DLGAP2: variants seen among roughly 807,000 people sequenced by gnomAD.
DLGAP2 encodes DLG associated protein 2, also known as disks large-associated protein 2.
Under a neutral mutation model 100.3 loss-of-function variants are expected in DLGAP2, and 26 were observed. That is an observed-to-expected ratio of 0.26 (90% CI 0.19 to 0.36). DLGAP2 has a LOEUF of 0.36. DLGAP2 is among the 10% of genes least tolerant of loss of function. The pLI, the probability that DLGAP2 is intolerant of heterozygous loss-of-function variation, is 1.00. For missense variants in DLGAP2, 1,858 were observed against 1,453.2 expected (o/e 1.28, Z -4.53); for synonymous variants, 886 against 630.1 (o/e 1.41, Z -6.08).
chr8:1,267,253 T>G (rs200279858), intron 3 of DLGAP2, among the ~76,000 whole-genome samples: 1 of 90,642 alleles, frequency 1.1e-5, no homozygotes, highest in South Asian at 3.4e-4. Context: ...ATAAATAAAA[T>G]AAAATAAAAT....
intron 2 of DLGAP2, among the ~76,000 whole-genome samples, chr8:1,054,612 AT>A (rs1294837843): frequency 6.6e-6 from 1 of 152,240 alleles, no homozygotes; most frequent in African/African-American, 2.4e-5. Flanking sequence ...GTAATTTATC[AT>A]CCCTCTCTTG....
intron 3 of DLGAP2, among the ~76,000 whole-genome samples, chr8:1,420,773 C>G (rs749465338): frequency 6.6e-6 from 1 of 152,080 alleles, no homozygotes; most frequent in Non-Finnish European, 1.5e-5. Flanking sequence ...GTTAACTTGG[C>G]CCTCCCACAG....
At chr8:1,564,047 G>A (rs963090040) in intron 5 of DLGAP2, among the ~76,000 whole-genome samples, 9 of 152,182 alleles carry the variant, frequency 5.9e-5, no homozygotes, top group African/African-American at 2.2e-4. Flanking sequence ...AACATGCTAT[G>A]TTAGTTCCTT....
chr8:1,178,493 C>A (rs7842417), intron 2 of DLGAP2, among the ~76,000 whole-genome samples: 1 of 152,026 alleles, frequency 6.6e-6, no homozygotes, highest in African/African-American at 2.4e-5. Flanking sequence ...AACAGCTGAA[C>A]ATAAATATCA....
At chr8:1,522,203 G>A (rs563152605) in intron 4 of DLGAP2, among the ~76,000 whole-genome samples, 1 of 152,216 alleles carries the variant, frequency 6.6e-6, no homozygotes, top group Non-Finnish European at 1.5e-5. Flanking sequence ...GGTCCACTCA[G>A]ACCTTTCGCC....
At position 1,641,884 on chromosome 8, in the gene DLGAP2, G is replaced by GCCC. The variant is rs1563275242; in HGVS notation, c.1810+8838_1810+8839insCCC. ...CCTCCCATACCCCTCGAACCCGCCG[G>GCCC]TCCTCACCTGTGTCACCCTCGACCC... On this transcript the variant is annotated intron_variant, in intron 8 of 14. Coordinates refer to ENST00000637795, the MANE Select transcript of DLGAP2 (RefSeq NM_001346810.2). 1.1e-3 allele frequency among the ~76,000 whole-genome samples: 147 copies of GCCC among 128,916 alleles called. 7 individuals carry two copies. The highest frequency in any genetic ancestry group is 4.3e-3 in the South Asian group (16 of 3,708). 84.6% of individuals were successfully genotyped at this position (128,916 alleles called of 152,430 possible).
chr8:1,455,536 C>G (rs766657897), intron 3 of DLGAP2, among the ~76,000 whole-genome samples: 18 of 152,210 alleles, frequency 1.2e-4, no homozygotes, highest in Non-Finnish European at 1.9e-4. Flanking sequence ...GAAGTCAGTC[C>G]GCCTGACACA....
In DLGAP2 at chr8:980,278, G is replaced by T. The variant is rs147563308; in HGVS notation, c.73+72312G>T. 2.0e-4 allele frequency among the ~76,000 whole-genome samples: 30 copies of T among 152,344 alleles called. No homozygotes were observed. The East Asian group carries it at 4.0e-3, about 21-fold the overall frequency. ...ATCCATAGAAGGTGCAGGGCCCACC[G>T]TGTGGAATGGTGGAATCCTACATTT... On this transcript the variant is annotated intron_variant, in intron 2 of 14. Coordinates refer to ENST00000637795, the MANE Select transcript of DLGAP2 (RefSeq NM_001346810.2).
intron 2 of DLGAP2, among the ~76,000 whole-genome samples, chr8:1,176,605 G>GCTCT (rs371347774): frequency 6.6e-6 from 1 of 151,554 alleles, no homozygotes; most frequent in East Asian, 1.9e-4. Flanking sequence ...GCACGACAGG[G>GCTCT]GTCGTGTTTC....
chr8:979,367 A>T (rs572955562), intron 2 of DLGAP2, among the ~76,000 whole-genome samples: 2 of 152,230 alleles, frequency 1.3e-5, no homozygotes, highest in African/African-American at 4.8e-5. Flanking sequence ...GAAATTGAGT[A>T]GTTGAACCTA....
chr8:1,464,317 A>AT (rs1798554476), intron 3 of DLGAP2, among the ~76,000 whole-genome samples: 6 of 32,814 alleles, frequency 1.8e-4, no homozygotes, highest in African/African-American at 4.4e-4. Flanking sequence ...TTCCAGGACA[A>AT]CGCCCTTCCA....
intron 2 of DLGAP2, among the ~76,000 whole-genome samples, chr8:1,221,173 T>G (rs1172313486): frequency 6.6e-6 from 1 of 152,220 alleles, no homozygotes; most frequent in Non-Finnish European, 1.5e-5. Context: ...TACTCGGTTA[T>G]ATAGTTGTTT....
intron 2 of DLGAP2, among the ~76,000 whole-genome samples, chr8:1,084,001 A>G (rs1481516118): frequency 6.6e-6 from 1 of 152,226 alleles, no homozygotes; most frequent in Non-Finnish European, 1.5e-5. Flanking sequence ...CTGTGATTGT[A>G]AGCTCCTGAT....
rs117447210 is a variant in DLGAP2 at position 999,775 on chromosome 8, G to A, written c.73+91809G>A. 1.5e-3 allele frequency among the ~76,000 whole-genome samples: 229 copies of A among 152,298 alleles called. 3 individuals carry two copies. In the East Asian group the frequency reaches 0.039, roughly 26 times the overall value. On this transcript the variant is annotated intron_variant, in intron 2 of 14. Transcript: ENST00000637795. ...ATTATAGGCGTGAGTCACTGCACCC[G>A]GCTGGTGGTGTGGTTTTAATACTCA...
chr8:761,316 A>C (rs574796668), intron 1 of DLGAP2, among the ~76,000 whole-genome samples: 2 of 152,206 alleles, frequency 1.3e-5, no homozygotes, highest in South Asian at 4.1e-4. Context: ...ACTGTCACTC[A>C]CTGGGGGTTT....
intron 2 of DLGAP2, chr8:1,002,011 G>A (rs546758200): frequency 4.3e-4 from 65 of 152,240 alleles, no homozygotes; most frequent in African/African-American, 1.5e-3. Context: ...TATACGATAC[G>A]GGCACTTAGC....
In DLGAP2 at chr8:1,676,616, G is replaced by A. The variant is rs2130851919; in HGVS notation, c.2286G>A (p.Lys762=). The A allele has an allele frequency of 6.2e-7, 1 of 1,611,892 alleles. No individual in the cohort carries two copies. ...HSVGVQVEDE[K]RHGRFKRSNS... is the part of the protein sequence containing the mutation. ...TCGGGGTGCAAGTGGAAGATGAGAA[G>A]CGGTAACTCAGCCCCTCCTGACACG... Residue 762 remains lysine, a splice_region_variant and synonymous_variant, in exon 11 of 15, where the codon AAG becomes AAA. Transcript: ENST00000637795.
intron 12 of DLGAP2, among the ~76,000 whole-genome samples, chr8:1,681,790 C>G (rs1485028497): frequency 6.6e-6 from 1 of 152,250 alleles, no homozygotes; most frequent in Non-Finnish European, 1.5e-5. Context: ...TACAGATAAA[C>G]TGGGGCTCTG....
chr8:1,502,179 C>A (rs926562582), intron 4 of DLGAP2, among the ~76,000 whole-genome samples: 1 of 152,222 alleles, frequency 6.6e-6, no homozygotes, highest in African/African-American at 2.4e-5. Context: ...TTGTTGCTGT[C>A]TGTGGTTATT....
Sources: gnomAD v4.1 joint callset for allele counts (sites outside exome capture counted in the v4.1 genomes callset) on GRCh38, gnomAD v4.1.1 for gene constraint, MANE v1.5 for transcripts, NCBI Gene and HGNC (gene_info 2026-07-23, HGNC 2026-07-21) for gene names.